Variants in CLCC1 observed in about 807,000 individuals in gnomAD.
CLCC1 encodes the protein chloride channel CLIC like 1.
CLCC1 carries 39 observed loss-of-function variants against 63.3 expected under a neutral mutation model. The ratio of observed to expected loss-of-function variants is 0.62; its 90% CI spans 0.48 to 0.81. The LOEUF (loss-of-function observed/expected upper bound fraction) is 0.81, where lower values mean the gene tolerates loss of function less well. Ranked by LOEUF, CLCC1 falls within the 30% of genes least tolerant of loss-of-function variation. CLCC1 has a pLI of 0.00. For missense variants in CLCC1, 549 were observed against 669.4 expected (o/e 0.82, Z 1.98); for synonymous variants, 217 against 239.8 (o/e 0.90, Z 0.88).
At chr1:108,935,402 CAGAGA>C (rs1557890486) in intron 11 of CLCC1, among the ~76,000 whole-genome samples, 1 of 152,104 alleles carries the variant, frequency 6.6e-6, no homozygotes, top group Non-Finnish European at 1.5e-5. Context: ...GTAAAAAAAG[CAGAGA>C]AGAGATGAGT....
intron 2 of CLCC1, among the ~76,000 whole-genome samples, chr1:108,955,215 G>C (rs988466899): frequency 1.3e-5 from 2 of 151,292 alleles, no homozygotes; most frequent in Admixed American, 1.3e-4. Flanking sequence ...TACATTCTAG[G>C]GGGGAAGGAA....
Position 108,929,846 on chromosome 1 carries a change from A to G in CLCC1, c.*2701T>C. 6.2e-7 allele frequency: 1 copy of G among 1,614,100 alleles called. No homozygotes were observed. Among genetic ancestry groups the G allele is most frequent in the Non-Finnish European group, 8.5e-7 (1 of 1,179,940 alleles). On this transcript the variant is annotated 3_prime_UTR_variant, in exon 13 of 13. Coordinates refer to ENST00000369969, the MANE Select transcript of CLCC1 (RefSeq NM_001377458.1). The stretch of plus-strand genomic sequence containing the variant: ...CAGAGAGTTCTTTTACAAAGAGATC[A>G]AAACAGAGACACTGACTTTGGGCTA...
chr1:108,956,083 C>A (rs1177588645), intron 2 of CLCC1, among the ~76,000 whole-genome samples: 3 of 151,558 alleles, frequency 2.0e-5, no homozygotes, highest in Non-Finnish European at 4.4e-5. Flanking sequence ...TAAGACAGAA[C>A]ATATGTTTGT....
Position 108,931,351 on chromosome 1 carries a change from A to G in CLCC1, c.*1196T>C. On this transcript the variant is annotated 3_prime_UTR_variant, in exon 13 of 13. Coordinates refer to ENST00000369969, the MANE Select transcript of CLCC1 (RefSeq NM_001377458.1). ...TTTACAAGGGGATGATAACAAAGTAACTAACTAACTGTAGCAAAAGACAAG... is the reference window on the plus strand; with the variant it reads ...TTTACAAGGGGATGATAACAAAGTAGCTAACTAACTGTAGCAAAAGACAAG... 6.5e-7 allele frequency: 1 copy of G among 1,541,898 alleles called. No homozygotes were observed. The highest frequency in any genetic ancestry group is 8.7e-7 in the Non-Finnish European group (1 of 1,144,550).
At chr1:108,960,442 A>T (rs1006339005) in intron 2 of CLCC1, among the ~76,000 whole-genome samples, 25 of 152,302 alleles carry the variant, frequency 1.6e-4, no homozygotes, top group African/African-American at 6.0e-4. Context: ...TGGATTGGTT[A>T]ATTAGTTGGC....
chr1:108,960,418 TG>T, intron 2 of CLCC1, among the ~76,000 whole-genome samples: 1 of 152,264 alleles, frequency 6.6e-6, no homozygotes, highest in Non-Finnish European at 1.5e-5. Context: ...GAACAAAGTC[TG>T]GAAAAAAGCC....
chr1:108,961,812 T>C (rs1333181667), intron 2 of CLCC1, among the ~76,000 whole-genome samples: 5 of 151,712 alleles, frequency 3.3e-5, no homozygotes, highest in Non-Finnish European at 5.9e-5. Context: ...TGAGCCGAGA[T>C]CGCGCCATTG....
Position 108,931,538 on chromosome 1 carries a change from G to GTGAT in CLCC1, c.*1005_*1008dup, listed in dbSNP as rs1408329222. The stretch of plus-strand genomic sequence containing the variant: ...CCTATTCTTTCAAAAAGTCATTCAG[G>GTGAT]TGATTTGGATGGGCAAATAGAACTA... On this transcript the variant is annotated 3_prime_UTR_variant, in exon 13 of 13. Coordinates refer to ENST00000369969, the MANE Select transcript of CLCC1 (RefSeq NM_001377458.1). The GTGAT allele has an allele frequency of 6.6e-7, 1 of 1,508,480 alleles. No individual in the cohort carries two copies. The highest frequency in any genetic ancestry group is 8.9e-7 in the Non-Finnish European group (1 of 1,123,246). The allele number at this position is 1,508,480 out of a possible 1,614,324, so 93.4% of individuals were successfully genotyped here.
chr1:108,948,650 GA>G (rs61417692), intron 4 of CLCC1, among the ~76,000 whole-genome samples: 82,081 of 138,022 alleles, frequency 0.59, 23,207 homozygotes, highest in African/African-American at 0.69. Context: ...AACAACTTAG[GA>G]AAAAAAAAAA....
At chr1:108,937,993 G>C (rs1653276727) in intron 10 of CLCC1, among the ~76,000 whole-genome samples, 1 of 152,088 alleles carries the variant, frequency 6.6e-6, no homozygotes, top group Non-Finnish European at 1.5e-5. Context: ...ATAATACAAA[G>C]ACATTATTAT....
intron 5 of CLCC1, among the ~76,000 whole-genome samples, chr1:108,944,778 C>T (rs1412157479): frequency 1.3e-5 from 2 of 152,020 alleles, no homozygotes; most frequent in African/African-American, 4.8e-5. Flanking sequence ...TACAGGTGCC[C>T]GCCACTACGC....
rs1283395698 is a variant in CLCC1, at chr1:108,931,313, A to G, written c.*1234T>C. The G allele has an allele frequency of 4.5e-6, 7 of 1,544,808 alleles. No homozygotes were observed. In the East Asian group the frequency reaches 1.7e-4, roughly 38 times the overall value. On this transcript the variant is annotated 3_prime_UTR_variant, in exon 13 of 13. Coordinates refer to ENST00000369969, the MANE Select transcript of CLCC1 (RefSeq NM_001377458.1). ...TTAAGCTTTGTCTTCCTTATCCCAG[A>G]TATTGAAGGCAGTTTACAAGGGGAT...
At chr1:108,945,017 C>G (rs72699256) in intron 5 of CLCC1, among the ~76,000 whole-genome samples, 1 of 152,144 alleles carries the variant, frequency 6.6e-6, no homozygotes, top group Non-Finnish European at 1.5e-5. Flanking sequence ...GGGTTTGGTT[C>G]GTGCAAACCT....
At chr1:108,944,164 T>A (rs978007467) in intron 5 of CLCC1, 107 bp from the exon 6 acceptor site, 4 of 776,464 alleles carry the variant, frequency 5.2e-6, no homozygotes, top group Non-Finnish European at 8.2e-6. Flanking sequence ...TAGTTTGCAG[T>A]ATTTCATATG....
Position 108,931,581 on chromosome 1 carries a change from G to A in CLCC1, c.*966C>T, listed in dbSNP as rs2101589278. 1 of 1,311,688 alleles carries A rather than the reference G, an allele frequency of 7.6e-7. No homozygotes were observed. The highest frequency in any genetic ancestry group is 1.0e-6 in the Non-Finnish European group (1 of 999,360). 81.3% of individuals were successfully genotyped at this position (1,311,688 alleles called of 1,614,324 possible). A position where few individuals can be genotyped will look rare whatever the true frequency, so the allele number is the denominator to read the frequency against. ...TAGAACTATTTCTCTAATGGCCAAT[G>A]TTTTTTAAGAGTCATAACCTGGAAT... On this transcript the variant is annotated 3_prime_UTR_variant, in exon 13 of 13. Transcript: ENST00000369969.
chr1:108,945,106 T>C (rs548068286), intron 5 of CLCC1, among the ~76,000 whole-genome samples: 13 of 152,374 alleles, frequency 8.5e-5, no homozygotes, highest in African/African-American at 3.1e-4. Context: ...TAAGGACACC[T>C]TATTTAAAAT....
chr1:108,945,896 C>T (rs1654467675), intron 5 of CLCC1, among the ~76,000 whole-genome samples: 1 of 152,204 alleles, frequency 6.6e-6, no homozygotes, highest in Non-Finnish European at 1.5e-5. Context: ...GACATGGTGG[C>T]TCACACCTGT....
intron 7 of CLCC1, among the ~76,000 whole-genome samples, chr1:108,942,139 G>A (rs1653934094): frequency 6.6e-6 from 1 of 152,160 alleles, no homozygotes; most frequent in South Asian, 2.1e-4. Flanking sequence ...ATAGGAGGCT[G>A]AGGCAAGAGA....
intron 5 of CLCC1, 142 bp downstream of exon 5, chr1:108,947,469 G>C: frequency 1.7e-6 from 1 of 576,886 alleles, no homozygotes; most frequent in Non-Finnish European, 3.1e-6. Flanking sequence ...CTTTAATCCT[G>C]AATGAATAGC....
Sources: gnomAD v4.1 joint callset for allele counts (sites outside exome capture counted in the v4.1 genomes callset) on GRCh38, gnomAD v4.1.1 for gene constraint, MANE v1.5 for transcripts, NCBI Gene and HGNC (gene_info 2026-07-23, HGNC 2026-07-21) for gene names.